Variants in SEC61A2 observed in about 807,000 individuals in gnomAD.
SEC61A2 encodes SEC61 translocon subunit alpha 2.
In SEC61A2, 28 loss-of-function variants were observed where a neutral mutation model predicts 59.9. The observed-to-expected ratio is 0.47, with a 90% CI of 0.35 to 0.64. SEC61A2 has a LOEUF of 0.64. Among genes scored for constraint, SEC61A2 ranks in the 30% least tolerant of loss-of-function variants. SEC61A2 has a pLI of 0.01. For synonymous variants in SEC61A2, 202 were observed against 214.4 expected (o/e 0.94, Z 0.50); for missense variants, 340 against 585.9 (o/e 0.58, Z 4.33).
downstream of SEC61A2, chr10:12,167,997 T>A: frequency 8.9e-7 from 1 of 1,119,598 alleles, no homozygotes; most frequent in Non-Finnish European, 1.2e-6. Flanking sequence ...ATTACATTCC[T>A]AGCATGAGAC....
chr10:12,158,196 C>G lies in SEC61A2; in HGVS notation c.975+91C>G. On this transcript the variant is annotated intron_variant, in intron 9 of 11. Coordinates refer to ENST00000298428, the MANE Select transcript of SEC61A2 (RefSeq NM_018144.4). The surrounding 1 kb of genome is among the most constrained non-coding windows in gnomAD (Gnocchi z 5.7). Reference sequence around the variant, plus strand: ...TAATGGAATGAGGTCGACATTGGAGCATTTGCTGTATTTTCAGATTCACTT... The same window carrying G: ...TAATGGAATGAGGTCGACATTGGAGGATTTGCTGTATTTTCAGATTCACTT... 9.9e-7 allele frequency: 1 copy of G among 1,011,130 alleles called. No individual in the cohort carries two copies. 62.6% of individuals were successfully genotyped at this position (1,011,130 alleles called of 1,614,324 possible).
chr10:12,136,421 C>G (rs1204290827), intron 3 of SEC61A2, among the ~76,000 whole-genome samples: 1 of 151,634 alleles, frequency 6.6e-6, no homozygotes, highest in African/African-American at 2.4e-5. Context: ...GATTCTTCTT[C>G]CTTGGCCTCC....
chr10:12,148,262 T>A (rs7917211), intron 4 of SEC61A2, among the ~76,000 whole-genome samples: 56,086 of 116,708 alleles, frequency 0.48, 11,907 homozygotes, highest in East Asian at 0.58. Flanking sequence ...TTTTTTTTTT[T>A]AAGACAGAAT....
Position 12,153,079 on chromosome 10 carries a change from ACTTTGT to A in SEC61A2, c.463-2688_463-2683del, listed in dbSNP as rs1302598021. Among the ~76,000 whole-genome samples the A allele has an allele frequency of 6.6e-6, 1 of 151,700 alleles. No individual in the cohort carries two copies. The highest frequency in any genetic ancestry group is 6.6e-5 in the Admixed American group (1 of 15,224). On this transcript the variant is annotated intron_variant, in intron 6 of 11. Transcript: ENST00000298428. This position sits in a 1 kb window ranked among gnomAD's most constrained non-coding sequence, Gnocchi z 5.2. Reference sequence around the variant, plus strand: ...GTCTCAAAAAAAAAAAAAAAGATTAACTTTGTCTTTGTCTTTATTTGTCCATTTACA... The same window carrying A: ...GTCTCAAAAAAAAAAAAAAAGATTAACTTTGTCTTTATTTGTCCATTTACA...
At chr10:12,148,912 G>A (rs7072486) in intron 4 of SEC61A2, among the ~76,000 whole-genome samples, 5 of 151,958 alleles carry the variant, frequency 3.3e-5, no homozygotes, top group African/African-American at 9.7e-5. Context: ...AAAATCCCCC[G>A]TAAGGTGGAC....
intron 3 of SEC61A2, among the ~76,000 whole-genome samples, chr10:12,140,326 A>G (rs1833990082): frequency 6.6e-6 from 1 of 152,226 alleles, no homozygotes; most frequent in Non-Finnish European, 1.5e-5. Flanking sequence ...GAAACTGATT[A>G]TTATATTAAA....
Position 12,152,118 on chromosome 10 carries a change from C to T in SEC61A2, c.462+2157C>T, listed in dbSNP as rs1834288646. ...TTTTTTTTCGAGACGGAGTCCTGCT[C>T]TGTCTCCCAGACTAAAGTGCAGTGG... On this transcript the variant is annotated intron_variant, in intron 6 of 11. Coordinates refer to ENST00000298428, the MANE Select transcript of SEC61A2 (RefSeq NM_018144.4). The surrounding 1 kb of genome is among the most constrained non-coding windows in gnomAD (Gnocchi z 5.5). Among the ~76,000 whole-genome samples, 1 of 149,852 alleles carries T rather than the reference C, an allele frequency of 6.7e-6. No individual in the cohort carries two copies. The highest frequency in any genetic ancestry group is 1.5e-5 in the Non-Finnish European group (1 of 67,476).
chr10:12,144,488 A>G (rs1834094764), intron 4 of SEC61A2, among the ~76,000 whole-genome samples: 1 of 152,220 alleles, frequency 6.6e-6, no homozygotes, highest in Admixed American at 6.5e-5. Flanking sequence ...TCATTCAACA[A>G]ATACTTACTG....
intron 6 of SEC61A2, among the ~76,000 whole-genome samples, chr10:12,150,275 A>G (rs1257389616): frequency 6.6e-6 from 1 of 152,248 alleles, no homozygotes; most frequent in Non-Finnish European, 1.5e-5. Context: ...TGATGTCTCT[A>G]GAATCAGGAT....
chr10:12,157,757 T>G, intron 8 of SEC61A2, 151 bp from the exon 9 acceptor site: 1 of 679,236 alleles, frequency 1.5e-6, no homozygotes, highest in Non-Finnish European at 2.5e-6. Context: ...CGCCTCGGCC[T>G]CCCAAAGTGT....
chr10:12,159,010 C>T (rs1450362157), intron 9 of SEC61A2, among the ~76,000 whole-genome samples: 2 of 149,734 alleles, frequency 1.3e-5, no homozygotes, highest in Admixed American at 1.3e-4. Context: ...CGGAGTCTCG[C>T]TGTGTCGCCC....
At position 12,149,418 on chromosome 10, in the gene SEC61A2, C is replaced by T. The variant is rs1248823731; in HGVS notation, c.221-177C>T. On this transcript the variant is annotated intron_variant, in intron 4 of 11. Coordinates refer to ENST00000298428, the MANE Select transcript of SEC61A2 (RefSeq NM_018144.4). The surrounding 1 kb of genome is among the most constrained non-coding windows in gnomAD (Gnocchi z 5.2). ...GTACTTTTTATTCAGGGCATTGCTG[C>T]AGGATTGTGTTAATAAATGAGAACT... 1.3e-5 allele frequency among the ~76,000 whole-genome samples: 2 copies of T among 152,116 alleles called. No individual in the cohort carries two copies. Among genetic ancestry groups the T allele is most frequent in the African/African-American group, 2.4e-5 (1 of 41,412 alleles).
intron 1 of SEC61A2, among the ~76,000 whole-genome samples, chr10:12,132,707 C>G (rs1833786663): frequency 6.6e-6 from 1 of 151,694 alleles, no homozygotes; most frequent in African/African-American, 2.4e-5. Context: ...TAAGGCAGTT[C>G]TCTACAGAAG....
intron 1 of SEC61A2, among the ~76,000 whole-genome samples, chr10:12,131,845 C>T (rs1833747401): frequency 1.5e-5 from 2 of 131,636 alleles, no homozygotes; most frequent in Admixed American, 1.6e-4. Context: ...GGCCCGCCAC[C>T]ACGCCCTGCT....
rs1198300995 is a variant in SEC61A2 at position 12,156,209 on chromosome 10, T to G, written c.616+278T>G. On this transcript the variant is annotated intron_variant, in intron 7 of 11. Coordinates refer to ENST00000298428, the MANE Select transcript of SEC61A2 (RefSeq NM_018144.4). This position sits in a 1 kb window ranked among gnomAD's most constrained non-coding sequence, Gnocchi z 5.2. ...TTGTTAACCTTGCTTAAGGCATTGC[T>G]GCAGAAGTCATTTATTTGACTGATT... Among the ~76,000 whole-genome samples, 1 of 152,236 alleles carries G rather than the reference T, an allele frequency of 6.6e-6. No homozygotes were observed. The highest frequency in any genetic ancestry group is 1.5e-5 in the Non-Finnish European group (1 of 68,034).
rs1338425043 is a variant in SEC61A2 at position 12,145,153 on chromosome 10, G to T, written c.220+1958G>T. Among the ~76,000 whole-genome samples, 1 of 152,162 alleles carries T rather than the reference G, an allele frequency of 6.6e-6. No homozygotes were observed. Among genetic ancestry groups the T allele is most frequent in the Non-Finnish European group, 1.5e-5 (1 of 68,020 alleles). ...TGCAGATGTATCTAAGTCAGATCAT[G>T]AAGGGCTTGGAGACCGTTGGATGGA... On this transcript the variant is annotated intron_variant, in intron 4 of 11. Coordinates refer to ENST00000298428, the MANE Select transcript of SEC61A2 (RefSeq NM_018144.4). The surrounding 1 kb of genome is among the most constrained non-coding windows in gnomAD (Gnocchi z 4.4).
In SEC61A2 at chr10:12,157,917, G is replaced by C. The variant is rs762080311; in HGVS notation, c.787G>C (p.Val263Leu). 2 of 1,613,812 alleles carry C rather than the reference G, an allele frequency of 1.2e-6. No individual in the cohort carries two copies. Among genetic ancestry groups the C allele is most frequent in the Non-Finnish European group, 1.7e-6 (2 of 1,180,010 alleles). ...CCGTTTCCTTTTTTAGGGATTTCGCGTTGATCTGCCCATTAAGTCGGCCCG... is the reference window on the plus strand; with the variant it reads ...CCGTTTCCTTTTTTAGGGATTTCGCCTTGATCTGCCCATTAAGTCGGCCCG... Reference protein sequence around the residue: ...AVVIYFQGFRVDLPIKSARYR... With the variant: ...AVVIYFQGFRLDLPIKSARYR... The change falls in exon 9 of 12, where the codon GTT (valine) becomes CTT (leucine). Residue 263 changes from valine (V) to leucine (L), a missense_variant. Val to Leu is a conservative substitution (Grantham distance 32, BLOSUM62 1). Transcript: ENST00000298428.
rs1478308873 is a variant in SEC61A2 at position 12,161,773 on chromosome 10, T to C, written c.1168-440T>C. On this transcript the variant is annotated intron_variant, in intron 10 of 11. Transcript: ENST00000298428. The surrounding 1 kb of genome is among the most constrained non-coding windows in gnomAD (Gnocchi z 5.4). ...ATAAATAAATAGATAAATAAAAAAT[T>C]TTTAAAAAAGTAAAATAAAACTTTG... Among the ~76,000 whole-genome samples, 1 of 152,076 alleles carries C rather than the reference T, an allele frequency of 6.6e-6. No individual in the cohort carries two copies. Among genetic ancestry groups the C allele is most frequent in the Non-Finnish European group, 1.5e-5 (1 of 68,012 alleles).
chr10:12,169,949 C>A (rs1834817198), downstream of SEC61A2: 4 of 607,118 alleles, frequency 6.6e-6, no homozygotes, highest in South Asian at 9.1e-5. The surrounding 1 kb of genome is among the most constrained non-coding windows in gnomAD (Gnocchi z 4.8). Context: ...ATAAAATATT[C>A]CCATGATGAC....
Sources: allele counts gnomAD v4.1 joint callset (sites outside exome capture counted in the v4.1 genomes callset), GRCh38; gene constraint gnomAD v4.1.1; non-coding constraint Gnocchi (gnomAD v3.1); transcripts MANE v1.5; gene names NCBI Gene and HGNC (gene_info 2026-07-23, HGNC 2026-07-21).